Variants in RNF24 observed in about 807,000 individuals in gnomAD.
RNF24 encodes the protein ring finger protein 24.
Under a neutral mutation model 20.0 loss-of-function variants are expected in RNF24, and 14 were observed. The observed-to-expected ratio is 0.70, with a 90% CI of 0.46 to 1.10. The LOEUF is 1.10. Among genes scored for constraint, RNF24 ranks in the 50% least tolerant of loss-of-function variants. The probability of loss-of-function intolerance (pLI) is 0.00; values close to 1 mark genes in which losing one functional copy is unlikely to be tolerated. For synonymous variants in RNF24, 45 were observed against 61.1 expected, an observed-to-expected ratio of 0.74 and a Z score of 1.23; for missense variants, 124 against 177.6, an observed-to-expected ratio of 0.70 and a Z score of 1.71.
At chr20:3,959,201 C>G (rs2091175165) in intron 2 of RNF24, among the ~76,000 whole-genome samples, 1 of 152,176 alleles carries the variant, frequency 6.6e-6, no homozygotes. Context: ...GAAATGGAAT[C>G]TATCATCTTT....
intron 1 of RNF24, among the ~76,000 whole-genome samples, chr20:4,008,541 A>ATT (rs1434946071): frequency 1.7e-5 from 2 of 117,046 alleles, no homozygotes; most frequent in East Asian, 2.1e-4. Context: ...ATTTATATAT[A>ATT]TTATATATAT....
rs747248979 is a variant in RNF24, at chr20:3,933,407, AATG to A, written c.*653_*655del. Reference sequence around the variant, plus strand: ...GCCTTACTGGTGCATAGGAGAGGGAAATGATAAGAGGAAATGGCTTCTGACTAG... The same window carrying A: ...GCCTTACTGGTGCATAGGAGAGGGAAATAAGAGGAAATGGCTTCTGACTAG... On this transcript the variant is annotated 3_prime_UTR_variant, in exon 6 of 6. Coordinates refer to ENST00000358395, the MANE Select transcript of RNF24 (RefSeq NM_001134337.3). 3 of 388,574 alleles carry A rather than the reference AATG, an allele frequency of 7.7e-6. No individual in the cohort carries two copies. The highest frequency in any genetic ancestry group is 1.4e-5 in the Non-Finnish European group (3 of 220,256). The allele number at this position is 388,574 out of a possible 1,614,324, so 24.1% of individuals were successfully genotyped here.
rs183961016 is a variant in RNF24, at chr20:3,930,647, T to C, written c.*3416A>G. 17 of 152,414 alleles carry C rather than the reference T, an allele frequency of 1.1e-4. No individual in the cohort carries two copies. Among genetic ancestry groups the C allele is most frequent in the Admixed American group, 2.0e-4 (3 of 15,302 alleles). 9.4% of individuals were successfully genotyped at this position (152,414 alleles called of 1,614,324 possible). Reference sequence around the variant, plus strand: ...GTATACTGCCCTGGATGTATCAGGATGTATTTCATAATGCCCAAAAAGCCT... The same window carrying C: ...GTATACTGCCCTGGATGTATCAGGACGTATTTCATAATGCCCAAAAAGCCT... On this transcript the variant is annotated 3_prime_UTR_variant, in exon 6 of 6. Transcript: ENST00000358395.
At chr20:3,989,569 G>T (rs1980244654) in intron 1 of RNF24, among the ~76,000 whole-genome samples, 1 of 152,068 alleles carries the variant, frequency 6.6e-6, no homozygotes, top group South Asian at 2.1e-4. Flanking sequence ...ATAGAAATAC[G>T]ACAGTTGTTG....
chr20:3,972,854 G>C (rs1163072443), intron 1 of RNF24, among the ~76,000 whole-genome samples: 1 of 151,884 alleles, frequency 6.6e-6, no homozygotes, highest in Non-Finnish European at 1.5e-5. Flanking sequence ...AGTGAGCCGA[G>C]ATCGCGCCAC....
rs1248361171 is a variant in RNF24, at chr20:3,931,207, CTT to C, written c.*2854_*2855del. Reference sequence around the variant, plus strand: ...CCATAGCAGACCAGCAACATTCTATCTTTGAGCTGCTTAAGAAACACACAAAG... The same window carrying C: ...CCATAGCAGACCAGCAACATTCTATCTGAGCTGCTTAAGAAACACACAAAG... On this transcript the variant is annotated 3_prime_UTR_variant, in exon 6 of 6. Coordinates refer to ENST00000358395, the MANE Select transcript of RNF24 (RefSeq NM_001134337.3). 4 of 152,230 alleles carry C rather than the reference CTT, an allele frequency of 2.6e-5. No individual in the cohort carries two copies. The highest frequency in any genetic ancestry group is 5.9e-5 in the Non-Finnish European group (4 of 68,068). 9.4% of individuals were successfully genotyped at this position (152,230 alleles called of 1,614,324 possible). A position where few individuals can be genotyped will look rare whatever the true frequency, so the allele number is the denominator to read the frequency against.
At chr20:3,977,220 G>A (rs1978939512) in intron 1 of RNF24, among the ~76,000 whole-genome samples, 1 of 152,168 alleles carries the variant, frequency 6.6e-6, no homozygotes, top group African/African-American at 2.4e-5. Context: ...TCTAGATTAA[G>A]GCTTCAGGTT....
chr20:4,001,091 AC>A (rs1981349205), intron 1 of RNF24, among the ~76,000 whole-genome samples: 1 of 152,110 alleles, frequency 6.6e-6, no homozygotes, highest in East Asian at 1.9e-4. Flanking sequence ...ACACAGTGAA[AC>A]CCTGTCTCTA....
chr20:4,005,957 T>C (rs2122141800), intron 1 of RNF24, among the ~76,000 whole-genome samples: 1 of 152,340 alleles, frequency 6.6e-6, no homozygotes, highest in East Asian at 1.9e-4. Context: ...ACAATTATGA[T>C]ATTAAATCTG....
intron 1 of RNF24, among the ~76,000 whole-genome samples, chr20:3,980,303 T>C (rs1031685311): frequency 6.6e-6 from 1 of 152,182 alleles, no homozygotes; most frequent in African/African-American, 2.4e-5. Flanking sequence ...ATGGTAGATA[T>C]GTTCACAGAC....
At chr20:3,975,779 A>G (rs1161062236) in intron 1 of RNF24, among the ~76,000 whole-genome samples, 1 of 152,222 alleles carries the variant, frequency 6.6e-6, no homozygotes, top group Non-Finnish European at 1.5e-5. Context: ...GCTGAGTGAT[A>G]TAAGAAGCAG....
At chr20:4,010,255 C>A (rs908629213) in intron 1 of RNF24, among the ~76,000 whole-genome samples, 2 of 152,092 alleles carry the variant, frequency 1.3e-5, no homozygotes, top group Admixed American at 6.6e-5. Flanking sequence ...CGCCTGTAGT[C>A]CCAGCTACTC....
rs900029995 is a variant in RNF24 at position 3,927,858 on chromosome 20, C to G, written c.*6205G>C. ...ACAAGTCTGCTGACACTGGTGGGGC[C>G]CTTACAGTCACAGAAGTAAGGACTG... On this transcript the variant is annotated 3_prime_UTR_variant, in exon 6 of 6. Coordinates refer to ENST00000358395, the MANE Select transcript of RNF24 (RefSeq NM_001134337.3). The G allele has an allele frequency of 1.3e-5, 2 of 152,146 alleles. No homozygotes were observed. Among genetic ancestry groups the G allele is most frequent in the Non-Finnish European group, 1.5e-5 (1 of 68,062 alleles). 9.4% of individuals were successfully genotyped at this position (152,146 alleles called of 1,614,324 possible).
At chr20:3,954,838 G>A (rs1311227365) in intron 2 of RNF24, among the ~76,000 whole-genome samples, 1 of 151,692 alleles carries the variant, frequency 6.6e-6, no homozygotes, top group African/African-American at 2.4e-5. Flanking sequence ...GGCAGAGATT[G>A]CAGTGAGCCG....
At chr20:4,001,338 G>T (rs1981371003) in intron 1 of RNF24, among the ~76,000 whole-genome samples, 3 of 152,064 alleles carry the variant, frequency 2.0e-5, no homozygotes, top group Admixed American at 1.3e-4. Context: ...TTTTAAGTCA[G>T]ATCATATGTA....
intron 4 of RNF24, among the ~76,000 whole-genome samples, chr20:3,939,959 A>G (rs2090935524): frequency 6.6e-6 from 1 of 152,104 alleles, no homozygotes; most frequent in African/African-American, 2.4e-5. Context: ...TACAAACGAA[A>G]AAAAAATTTT....
chr20:3,941,826 G>A (rs1022112030), intron 4 of RNF24, among the ~76,000 whole-genome samples: 5 of 152,158 alleles, frequency 3.3e-5, no homozygotes, highest in Non-Finnish European at 4.4e-5. Flanking sequence ...TGTAATCCCA[G>A]CACCTAAGAG....
chr20:4,001,809 A>C (rs1322333255), intron 1 of RNF24, among the ~76,000 whole-genome samples: 9 of 152,088 alleles, frequency 5.9e-5, no homozygotes, highest in Non-Finnish European at 1.3e-4. Flanking sequence ...ACAGCTGGGC[A>C]TGGTGACATG....
At chr20:3,996,377 C>T (rs370086182) in intron 1 of RNF24, among the ~76,000 whole-genome samples, 3 of 152,018 alleles carry the variant, frequency 2.0e-5, no homozygotes, top group African/African-American at 7.3e-5. Context: ...TTGTAGAGAT[C>T]GGATCTTGTA....
Sources: gnomAD v4.1 joint callset for allele counts (sites outside exome capture counted in the v4.1 genomes callset) on GRCh38, gnomAD v4.1.1 for gene constraint, MANE v1.5 for transcripts, NCBI Gene and HGNC (gene_info 2026-07-23, HGNC 2026-07-21) for gene names.